The following RANBP10 variants were observed in gnomAD, a reference collection of about 807,000 sequenced individuals.
RANBP10 encodes the protein RAN binding protein 10.
In RANBP10, 24 loss-of-function variants were observed where a neutral mutation model predicts 72.8. The observed-to-expected ratio is 0.33, with a 90% CI of 0.24 to 0.46. RANBP10 has a LOEUF of 0.46. Ranked by LOEUF, RANBP10 falls within the 20% of genes least tolerant of loss-of-function variation. The pLI, the probability that RANBP10 is intolerant of heterozygous loss-of-function variation, is 1.00. For synonymous variants in RANBP10, 310 were observed against 322.3 expected (o/e 0.96, Z 0.41); for missense variants, 679 against 817.5 (o/e 0.83, Z 2.07).
intron 11 of RANBP10, 124 bp from the exon 12 acceptor site, chr16:67,728,020 G>A (rs755089123): frequency 3.9e-6 from 4 of 1,036,742 alleles, no homozygotes; most frequent in Middle Eastern, 2.3e-4. Context: ...GGGCTGGGAG[G>A]AACAGGTGAG....
chr16:67,744,382 G>C lies in RANBP10; in HGVS notation c.474C>G (p.Pro158=), dbSNP rs1425314311. Residue 158 remains proline, a synonymous_variant, in exon 4 of 14, where the codon CCC becomes CCG. Coordinates refer to ENST00000317506, the MANE Select transcript of RANBP10 (RefSeq NM_020850.3). ...CTCCTGTGGTGAATGTGGGACCATA[G>C]GGCTGGCCAGTCCCCGAGGAGCAGA... The part of the protein sequence containing the change: ...HSFCSSGTGQ[P]YGPTFTTGDV... 5.6e-6 allele frequency: 9 copies of C among 1,614,228 alleles called. No individual in the cohort carries two copies. Among genetic ancestry groups the C allele is most frequent in the Non-Finnish European group, 7.6e-6 (9 of 1,180,038 alleles).
intron 5 of RANBP10, among the ~76,000 whole-genome samples, chr16:67,736,983 C>A (rs1597834207): frequency 6.6e-6 from 1 of 152,248 alleles, no homozygotes; most frequent in Admixed American, 6.5e-5. Flanking sequence ...AGAACCTAAC[C>A]AGAACACACA....
intron 1 of RANBP10, 122 bp downstream of exon 1, chr16:67,806,180 G>A (rs1463302814): frequency 1.0e-6 from 1 of 975,064 alleles, no homozygotes; most frequent in Non-Finnish European, 1.5e-6. Context: ...CATCCTGAAA[G>A]GGCCAAGCCC....
At chr16:67,783,899 C>T (rs2054858886) in intron 2 of RANBP10, among the ~76,000 whole-genome samples, 1 of 151,892 alleles carries the variant, frequency 6.6e-6, no homozygotes, top group South Asian at 2.1e-4. Context: ...AAAAAATTAG[C>T]CGGGCGTGCT....
chr16:67,778,304 G>A (rs1355188899), intron 2 of RANBP10, among the ~76,000 whole-genome samples: 2 of 151,800 alleles, frequency 1.3e-5, no homozygotes, highest in African/African-American at 2.4e-5. Flanking sequence ...AGCCAAGATC[G>A]CGCCACTGCA....
At chr16:67,739,228 A>C (rs1355456330) in intron 4 of RANBP10, among the ~76,000 whole-genome samples, 1 of 152,186 alleles carries the variant, frequency 6.6e-6, no homozygotes, top group Non-Finnish European at 1.5e-5. Context: ...GGCCTCCCAA[A>C]GTGCTGGGAT....
chr16:67,775,790 TAAAAAAAAAAA>T (rs34379359), intron 2 of RANBP10, among the ~76,000 whole-genome samples: 1 of 76,748 alleles, frequency 1.3e-5, no homozygotes, highest in Non-Finnish European at 2.7e-5. Flanking sequence ...AGACTCCGTC[TAAAAAAAAAAA>T]AAAAAAAAAA....
chr16:67,753,843 G>A (rs2054239282), intron 3 of RANBP10, among the ~76,000 whole-genome samples: 1 of 152,066 alleles, frequency 6.6e-6, no homozygotes, highest in Non-Finnish European at 1.5e-5. Flanking sequence ...CATTTATCAA[G>A]AGAAAAGGAG....
intron 4 of RANBP10, among the ~76,000 whole-genome samples, chr16:67,741,986 G>A (rs1177702364): frequency 2.0e-5 from 3 of 152,048 alleles, no homozygotes; most frequent in African/African-American, 7.3e-5. Context: ...AAATGCAGGG[G>A]ACAGGCCATA....
At chr16:67,776,108 G>A (rs2054700119) in intron 2 of RANBP10, among the ~76,000 whole-genome samples, 3 of 150,714 alleles carry the variant, frequency 2.0e-5, no homozygotes, top group Admixed American at 1.3e-4. Context: ...TCACACCACT[G>A]CACTCCAGCC....
chr16:67,747,352 A>G (rs2054102395), intron 3 of RANBP10, among the ~76,000 whole-genome samples: 1 of 152,082 alleles, frequency 6.6e-6, no homozygotes, highest in Non-Finnish European at 1.5e-5. Context: ...GTTTTTTCAA[A>G]TTTTTAACTC....
At chr16:67,773,035 G>C (rs2054636184) in intron 2 of RANBP10, among the ~76,000 whole-genome samples, 2 of 152,132 alleles carry the variant, frequency 1.3e-5, no homozygotes, top group Admixed American at 1.3e-4. Flanking sequence ...ATGAAATTTG[G>C]GGGGCCAGGG....
chr16:67,788,213 GTC>G (rs1173494303), intron 2 of RANBP10, among the ~76,000 whole-genome samples: 2 of 151,900 alleles, frequency 1.3e-5, no homozygotes, highest in Admixed American at 1.3e-4. Context: ...TTGAGATAGA[GTC>G]TCACTCTGTC....
intron 4 of RANBP10, among the ~76,000 whole-genome samples, chr16:67,742,300 A>AT (rs1400795690): frequency 1.3e-5 from 2 of 152,124 alleles, no homozygotes; most frequent in African/African-American, 2.4e-5. Flanking sequence ...TTCTTCCTAT[A>AT]TTTTTTAACA....
At chr16:67,745,360 A>T (rs866033083) in intron 3 of RANBP10, among the ~76,000 whole-genome samples, 3 of 151,382 alleles carry the variant, frequency 2.0e-5, no homozygotes, top group South Asian at 2.1e-4. Flanking sequence ...TTTGAGACAG[A>T]GTCTCCCTCT....
chr16:67,773,596 C>G (rs983842687), intron 2 of RANBP10, among the ~76,000 whole-genome samples: 4 of 152,134 alleles, frequency 2.6e-5, no homozygotes, highest in African/African-American at 9.7e-5. Context: ...CTGACCTACT[C>G]ACCTGCCTCT....
At chr16:67,742,438 A>G (rs969807124) in intron 4 of RANBP10, among the ~76,000 whole-genome samples, 3 of 152,226 alleles carry the variant, frequency 2.0e-5, no homozygotes, top group Non-Finnish European at 4.4e-5. Context: ...AAAAAAGTCA[A>G]AATACTACCA....
chr16:67,749,274 G>A (rs930170003), intron 3 of RANBP10, among the ~76,000 whole-genome samples: 8 of 152,190 alleles, frequency 5.3e-5, no homozygotes, highest in Non-Finnish European at 1.0e-4. Flanking sequence ...CAAGCCTAGT[G>A]TACCCTGAGC....
At chr16:67,793,010 AAC>A (rs1172387573) in intron 2 of RANBP10, among the ~76,000 whole-genome samples, 2 of 152,032 alleles carry the variant, frequency 1.3e-5, no homozygotes, top group African/African-American at 2.4e-5. Flanking sequence ...CTAATGTACT[AAC>A]AGAGTCTCAA....
Sources: gnomAD v4.1 joint callset for allele counts (sites outside exome capture counted in the v4.1 genomes callset) on GRCh38, gnomAD v4.1.1 for gene constraint, MANE v1.5 for transcripts, NCBI Gene and HGNC (gene_info 2026-07-23, HGNC 2026-07-21) for gene names.